Variants in PCED1B observed in about 807,000 individuals in gnomAD.
The protein encoded by PCED1B is PC-esterase domain containing 1B.
For missense variants in PCED1B, 573 were observed against 573.9 expected (o/e 1.00, Z 0.02); for synonymous variants, 251 against 246.1 (o/e 1.02, Z -0.19).
At chr12:47,087,579 A>C (rs1229407382) in intron 1 of PCED1B, among the ~76,000 whole-genome samples, 1 of 152,184 alleles carries the variant, frequency 6.6e-6, no homozygotes, top group Non-Finnish European at 1.5e-5. Flanking sequence ...TAATTATAGG[A>C]TATAAGGTGG....
At chr12:47,125,542 A>G (rs879536841) in intron 2 of PCED1B, among the ~76,000 whole-genome samples, 1 of 152,044 alleles carries the variant, frequency 6.6e-6, no homozygotes, top group African/African-American at 2.4e-5. Flanking sequence ...GATTTTGACA[A>G]GAGGTCTGCT....
At chr12:47,082,032 G>C (rs1226466096) in intron 1 of PCED1B, among the ~76,000 whole-genome samples, 1 of 152,178 alleles carries the variant, frequency 6.6e-6, no homozygotes, top group South Asian at 2.1e-4. Flanking sequence ...AGGGAAGAAC[G>C]TTGTAAAAGG....
At chr12:47,104,717 A>C (rs1051055217) in intron 2 of PCED1B, among the ~76,000 whole-genome samples, 2 of 152,160 alleles carry the variant, frequency 1.3e-5, no homozygotes, top group South Asian at 2.1e-4. Context: ...CTCTAAAAAG[A>C]TTTTTTGGAG....
chr12:47,097,752 G>A (rs188162791), intron 1 of PCED1B, among the ~76,000 whole-genome samples: 33 of 152,252 alleles, frequency 2.2e-4, no homozygotes, highest in Non-Finnish European at 4.1e-4. Context: ...CACAAGGCAC[G>A]GAGTAGGTGC....
rs58064219 is a variant in PCED1B, at chr12:47,129,436, C to T, written c.-526+25241C>T. Among the ~76,000 whole-genome samples, 508 of 152,154 alleles carry T rather than the reference C, an allele frequency of 3.3e-3. 8 individuals are homozygous for T. The South Asian group carries it at 0.04, about 12-fold the overall frequency. On this transcript the variant is annotated intron_variant, in intron 2 of 3. Transcript: ENST00000546455. Reference sequence around the variant, plus strand: ...CTCAGGAGGCAGAGGTTGCAGTGAGCCATAATCACACCACTGTACTCCAGC... The same window carrying T: ...CTCAGGAGGCAGAGGTTGCAGTGAGTCATAATCACACCACTGTACTCCAGC...
intron 2 of PCED1B, among the ~76,000 whole-genome samples, chr12:47,160,293 C>CTTTTTTTTTTT (rs59856338): frequency 5.3e-4 from 37 of 69,228 alleles, no homozygotes; most frequent in Admixed American, 8.5e-4. Context: ...TTTTCTTTTT[C>CTTTTTTTTTTT]TTTTTTTTTT....
At chr12:47,224,424 T>G (rs1943574880) in intron 3 of PCED1B, among the ~76,000 whole-genome samples, 1 of 152,242 alleles carries the variant, frequency 6.6e-6, no homozygotes, top group Non-Finnish European at 1.5e-5. Context: ...ATTTTTAAAC[T>G]TGGTAATTTT....
At chr12:47,170,792 T>A (rs1045004919) in intron 2 of PCED1B, among the ~76,000 whole-genome samples, 4 of 152,330 alleles carry the variant, frequency 2.6e-5, no homozygotes, top group Non-Finnish European at 4.4e-5. Context: ...ATAACAACTG[T>A]TTTATTCATT....
rs529063094 is a variant in PCED1B at position 47,170,181 on chromosome 12, C to T, written c.-525-46041C>T. On this transcript the variant is annotated intron_variant, in intron 2 of 3. Coordinates refer to ENST00000546455, the MANE Select transcript of PCED1B (RefSeq NM_138371.3). ...TAATCCATTTAACCCTGAGTGGACA[C>T]AGCACATGTTTCAGAGAGCACGGGG... Among the ~76,000 whole-genome samples, 350 of 152,130 alleles carry T rather than the reference C, an allele frequency of 2.3e-3. 2 individuals are homozygous for T. The highest frequency in any genetic ancestry group is 0.014 in the Middle Eastern group (4 of 294).
chr12:47,175,445 T>C (rs970248855), intron 2 of PCED1B, among the ~76,000 whole-genome samples: 5 of 152,188 alleles, frequency 3.3e-5, no homozygotes, highest in African/African-American at 4.8e-5. Flanking sequence ...TTTTATTTGG[T>C]TGTTATCTAG....
chr12:47,229,861 C>T (rs183279028), intron 3 of PCED1B, among the ~76,000 whole-genome samples: 34 of 151,860 alleles, frequency 2.2e-4, no homozygotes, highest in Admixed American at 1.9e-3. Flanking sequence ...GCTCTGCCTC[C>T]CGGGTTCCTG....
intron 2 of PCED1B, among the ~76,000 whole-genome samples, chr12:47,202,563 T>C (rs1217530959): frequency 7.6e-6 from 1 of 132,408 alleles, no homozygotes; most frequent in African/African-American, 2.9e-5. Flanking sequence ...GATATTTGCC[T>C]GAATTTGACT....
chr12:47,157,952 G>A (rs1941248099), intron 2 of PCED1B, among the ~76,000 whole-genome samples: 1 of 152,180 alleles, frequency 6.6e-6, no homozygotes, highest in Admixed American at 6.5e-5. Context: ...GTTCATCCAT[G>A]TTGTAGCATG....
chr12:47,122,239 G>A (rs542177650), intron 2 of PCED1B, among the ~76,000 whole-genome samples: 1 of 151,700 alleles, frequency 6.6e-6, no homozygotes, highest in Non-Finnish European at 1.5e-5. Flanking sequence ...TGGAGAATGT[G>A]TATACAATCT....
chr12:47,082,812 T>A (rs1167814599), intron 1 of PCED1B, among the ~76,000 whole-genome samples: 3 of 152,046 alleles, frequency 2.0e-5, no homozygotes, highest in Non-Finnish European at 4.4e-5. Flanking sequence ...TCTGCCAGGG[T>A]GGTTCCAACC....
intron 2 of PCED1B, among the ~76,000 whole-genome samples, chr12:47,165,823 C>G (rs1050753987): frequency 1.1e-4 from 16 of 151,966 alleles, no homozygotes; most frequent in Admixed American, 9.8e-4. Flanking sequence ...GTCCTCTATT[C>G]AATTAAAAGT....
chr12:47,145,832 T>A (rs1940762928), intron 2 of PCED1B, among the ~76,000 whole-genome samples: 1 of 151,900 alleles, frequency 6.6e-6, no homozygotes. Flanking sequence ...AGGAGATAAA[T>A]GTTGTTTCAT....
At position 47,176,777 on chromosome 12, in the gene PCED1B, A is replaced by G. The variant is rs182385429; in HGVS notation, c.-525-39445A>G. The stretch of plus-strand genomic sequence containing the variant: ...GGCATCTGAAGTGGTGGATAGCCTC[A>G]TGGGACTGAGCCCTTAACCTTTGGG... On this transcript the variant is annotated intron_variant, in intron 2 of 3. Coordinates refer to ENST00000546455, the MANE Select transcript of PCED1B (RefSeq NM_138371.3). Among the ~76,000 whole-genome samples, 10 of 152,228 alleles carry G rather than the reference A, an allele frequency of 6.6e-5. No homozygotes were observed. The East Asian group carries it at 1.2e-3, about 18-fold the overall frequency.
At chr12:47,136,833 G>A (rs1242474076) in intron 2 of PCED1B, among the ~76,000 whole-genome samples, 3 of 152,198 alleles carry the variant, frequency 2.0e-5, no homozygotes, top group East Asian at 3.9e-4. Flanking sequence ...TAGAAGACAA[G>A]TCATAGTTCA....
Sources: gnomAD v4.1 joint callset for allele counts (sites outside exome capture counted in the v4.1 genomes callset) on GRCh38, gnomAD v4.1.1 for gene constraint, MANE v1.5 for transcripts, NCBI Gene and HGNC (gene_info 2026-07-23, HGNC 2026-07-21) for gene names.